WNT11: variants seen among roughly 807,000 people sequenced by gnomAD.
The protein encoded by WNT11 is protein Wnt-11.
In WNT11, 20 loss-of-function variants were observed where a neutral mutation model predicts 35.6. That is an observed-to-expected ratio of 0.56 (90% confidence interval 0.40 to 0.82). The LOEUF is 0.82. Ranked by LOEUF, WNT11 falls within the 40% of genes least tolerant of loss-of-function variation. WNT11 has a pLI of 0.00. For missense variants in WNT11, 459 were observed against 504.4 expected (o/e 0.91, Z 0.86); for synonymous variants, 200 against 211.9 (o/e 0.94, Z 0.49).
chr11:76,197,551 G>A (rs1953308409), intron 1 of WNT11, among the ~76,000 whole-genome samples: 4 of 152,196 alleles, frequency 2.6e-5, no homozygotes, highest in African/African-American at 4.8e-5. Flanking sequence ...ACGTTTTAAA[G>A]GTCCTGAGAA....
chr11:76,210,752 C>G, upstream of WNT11: 1 of 870,940 alleles, frequency 1.1e-6, no homozygotes, highest in South Asian at 5.2e-5. Context: ...CCTCGCCTGG[C>G]GCGATCTCCG....
At chr11:76,201,894 C>T (rs767194328) in intron 1 of WNT11, among the ~76,000 whole-genome samples, 7 of 152,170 alleles carry the variant, frequency 4.6e-5, no homozygotes, top group African/African-American at 1.2e-4. Context: ...CTAGGGGACC[C>T]GCCTGTGTAA....
rs1953258783 is a variant in WNT11, at chr11:76,194,992, G to C, written c.320-148C>G. 1.0e-6 allele frequency: 1 copy of C among 984,474 alleles called. No individual in the cohort carries two copies. Among genetic ancestry groups the C allele is most frequent in the Non-Finnish European group, 1.4e-6 (1 of 693,354 alleles). The allele number at this position is 984,474 out of a possible 1,614,324, so 61.0% of individuals were successfully genotyped here. On this transcript the variant is annotated intron_variant, in intron 2 of 4. Transcript: ENST00000322563. This position sits in a 1 kb window ranked among gnomAD's most constrained non-coding sequence, Gnocchi z 5.4. ...CTAGGGCCATTGAGATGTCACCCCT[G>C]CTTCCCCAATTCCTTCTGAATATAC...
upstream of WNT11, among the ~76,000 whole-genome samples, chr11:76,209,148 GC>G (rs1219792733): frequency 6.6e-6 from 1 of 152,134 alleles, no homozygotes; most frequent in Non-Finnish European, 1.5e-5. Context: ...GACCTGCCCG[GC>G]CCCTTGCTTG....
Position 76,194,901 on chromosome 11 carries a change from G to A in WNT11, c.320-57C>T. ...TGATCCAGGGCTAGGACCCTGCCCAGGTCAGAGGTCCTCCACCTTCGCCCA... is the reference window on the plus strand; with the variant it reads ...TGATCCAGGGCTAGGACCCTGCCCAAGTCAGAGGTCCTCCACCTTCGCCCA... On this transcript the variant is annotated intron_variant, in intron 2 of 4. Transcript: ENST00000322563. The surrounding 1 kb of genome is among the most constrained non-coding windows in gnomAD (Gnocchi z 5.4). The A allele has an allele frequency of 7.0e-7, 1 of 1,438,474 alleles. No homozygotes were observed. Among genetic ancestry groups the A allele is most frequent in the Non-Finnish European group, 9.1e-7 (1 of 1,099,784 alleles). The allele number at this position is 1,438,474 out of a possible 1,614,324, so 89.1% of individuals were successfully genotyped here. A position where few individuals can be genotyped will look rare whatever the true frequency, so the allele number is the denominator to read the frequency against.
At chr11:76,200,539 G>A (rs1953358904) in intron 1 of WNT11, among the ~76,000 whole-genome samples, 1 of 152,204 alleles carries the variant, frequency 6.6e-6, no homozygotes, top group Non-Finnish European at 1.5e-5. Context: ...GGTTGACAGA[G>A]CCTCCCACTT....
At chr11:76,209,926 A>T (rs1953536077), upstream of WNT11, among the ~76,000 whole-genome samples, 1 of 151,030 alleles carries the variant, frequency 6.6e-6, no homozygotes, top group South Asian at 2.1e-4. Context: ...TCAGGTCAGT[A>T]AACAAACTCG....
chr11:76,190,503 A>G (rs1001831788), intron 4 of WNT11, among the ~76,000 whole-genome samples: 2 of 151,992 alleles, frequency 1.3e-5, no homozygotes, highest in African/African-American at 4.8e-5. Context: ...GCAGCCCCCC[A>G]GCCCACCCCC....
At chr11:76,193,170 A>C (rs988166396) in intron 3 of WNT11, among the ~76,000 whole-genome samples, 4 of 152,258 alleles carry the variant, frequency 2.6e-5, no homozygotes, top group African/African-American at 9.6e-5. Flanking sequence ...TCTGCTGCTC[A>C]GCATAAGCTG....
chr11:76,186,711 G>A lies in WNT11; in HGVS notation c.*354C>T, dbSNP rs927884106. On this transcript the variant is annotated 3_prime_UTR_variant, in exon 5 of 5. Coordinates refer to ENST00000322563, the MANE Select transcript of WNT11 (RefSeq NM_004626.3). ...TCCCGCAGAACATTCTGAAGAAGGC[G>A]GGCAGACCCCTTCCCGGAGGCTGGT... 5 of 393,256 alleles carry A rather than the reference G, an allele frequency of 1.3e-5. No homozygotes were observed. Among genetic ancestry groups the A allele is most frequent in the African/African-American group, 8.3e-5 (4 of 48,400 alleles). The allele number at this position is 393,256 out of a possible 1,614,324, so 24.4% of individuals were successfully genotyped here. A position where few individuals can be genotyped will look rare whatever the true frequency, so the allele number is the denominator to read the frequency against.
At position 76,196,579 on chromosome 11, in the gene WNT11, C is replaced by G; in HGVS notation, c.223G>C (p.Glu75Gln). 1 of 1,613,624 alleles carries G rather than the reference C, an allele frequency of 6.2e-7. No individual in the cohort carries two copies. The highest frequency in any genetic ancestry group is 2.2e-5 in the East Asian group (1 of 44,886). The change falls in exon 2 of 5, where the codon GAG (glutamate) becomes CAG (glutamine). Residue 75 changes from glutamate (E) to glutamine (Q), a missense_variant. Transcript: ENST00000322563. ...LMHTVVHAAR[E>Q]VMKACRRAFA... The stretch of plus-strand genomic sequence containing the variant: ...GCCCGGCGACAGGCCTTCATGACCT[C>G]GCGGGCGGCGTGCACCACCGTGTGC...
chr11:76,194,091 T>C lies in WNT11; in HGVS notation c.597+476A>G, dbSNP rs1298115790. On this transcript the variant is annotated intron_variant, in intron 3 of 4. Transcript: ENST00000322563. The surrounding 1 kb of genome is among the most constrained non-coding windows in gnomAD (Gnocchi z 5.4). ...CGGTTGGTGTGGGTGGGAGTCCCCG[T>C]TAAATCCAAGCAGATGACCCCTTAG... Among the ~76,000 whole-genome samples the C allele has an allele frequency of 6.6e-6, 1 of 151,798 alleles. No homozygotes were observed. Among genetic ancestry groups the C allele is most frequent in the Non-Finnish European group, 1.5e-5 (1 of 67,980 alleles).
chr11:76,193,782 A>T (rs1424457959), intron 3 of WNT11, among the ~76,000 whole-genome samples: 1 of 152,110 alleles, frequency 6.6e-6, no homozygotes. Flanking sequence ...TGCAGGGAGG[A>T]GCTGATGAGA....
At chr11:76,208,119 C>G (rs137917713), upstream of WNT11, among the ~76,000 whole-genome samples, 2 of 152,332 alleles carry the variant, frequency 1.3e-5, no homozygotes, top group Non-Finnish European at 2.9e-5. Flanking sequence ...AGGAATGGGG[C>G]TTCGCCGTGC....
intron 1 of WNT11, among the ~76,000 whole-genome samples, chr11:76,205,836 A>C (rs1721563796): frequency 6.6e-6 from 1 of 152,088 alleles, no homozygotes; most frequent in Admixed American, 6.5e-5. Context: ...GGAGGTGGGG[A>C]GTCTCACCCT....
Position 76,194,814 on chromosome 11 carries a change from A to G in WNT11, c.350T>C (p.Leu117Pro). The change falls in exon 3 of 5, where the codon CTG becomes CCG. Residue 117 changes from leucine (L) to proline (P), a missense_variant. Transcript: ENST00000322563. The surrounding 1 kb of genome is among the most constrained non-coding windows in gnomAD (Gnocchi z 5.4). ...GGCGTGGCTGATGGCGGCGGCCGAC[A>G]GCGCATACACGAAGGCCGACTCCCG... ...GTRESAFVYALSAAAISHAIA... is the reference protein window; with the variant it reads ...GTRESAFVYAPSAAAISHAIA... The G allele has an allele frequency of 1.3e-6, 2 of 1,545,216 alleles. No homozygotes were observed. Among genetic ancestry groups the G allele is most frequent in the South Asian group, 1.2e-5 (1 of 83,162 alleles).
At chr11:76,196,446 G>A (rs768919185) in intron 2 of WNT11, 37 bp downstream of exon 2, 40 of 1,604,410 alleles carry the variant, frequency 2.5e-5, no homozygotes, top group East Asian at 4.5e-5. Context: ...TCCTTCACCC[G>A]CACCCACATG....
intron 4 of WNT11, 47 bp from the exon 5 acceptor site, chr11:76,187,286 CCCA>C (rs1381926224): frequency 3.3e-5 from 51 of 1,560,440 alleles, no homozygotes; most frequent in Admixed American, 1.2e-4. Flanking sequence ...TGGTCACCAC[CCCA>C]CCAACACCCC....
Position 76,194,178 on chromosome 11 carries a change from A to C in WNT11, c.597+389T>G, listed in dbSNP as rs187958884. Among the ~76,000 whole-genome samples, 264 of 152,086 alleles carry C rather than the reference A, an allele frequency of 1.7e-3. 2 individuals carry two copies. The highest frequency in any genetic ancestry group is 0.017 in the Middle Eastern group (5 of 294). On this transcript the variant is annotated intron_variant, in intron 3 of 4. Coordinates refer to ENST00000322563, the MANE Select transcript of WNT11 (RefSeq NM_004626.3). The surrounding 1 kb of genome is among the most constrained non-coding windows in gnomAD (Gnocchi z 5.4). ...TGGAGGGAGGGACAGCTTGAGGAAC[A>C]TGACAGATGGGGACTCAGCACCAGG...
Sources: allele counts gnomAD v4.1 joint callset (sites outside exome capture counted in the v4.1 genomes callset), GRCh38; gene constraint gnomAD v4.1.1; non-coding constraint Gnocchi (gnomAD v3.1); transcripts MANE v1.5; gene names NCBI Gene and HGNC (gene_info 2026-07-23, HGNC 2026-07-21).